SPATA13: variants seen among roughly 807,000 people sequenced by gnomAD.
The protein encoded by SPATA13 is spermatogenesis-associated protein 13.
In SPATA13, 50 loss-of-function variants were observed where a neutral mutation model predicts 104.0. The observed-to-expected ratio is 0.48, with a 90% CI of 0.38 to 0.61. The LOEUF is 0.61. Among genes scored for constraint, SPATA13 ranks in the 20% least tolerant of loss-of-function variants. SPATA13 has a pLI of 0.00. For synonymous variants in SPATA13, 606 were observed against 667.5 expected, an observed-to-expected ratio of 0.91 and a Z score of 1.42; for missense variants, 1,524 against 1,690.6, an observed-to-expected ratio of 0.90 and a Z score of 1.73.
At chr13:24,119,559 A>G (rs774631583) in intron 3 of SPATA13, among the ~76,000 whole-genome samples, 8 of 152,164 alleles carry the variant, frequency 5.3e-5, no homozygotes, top group Non-Finnish European at 8.8e-5. Context: ...ACTGAGGTAA[A>G]CATCTGTGAG....
chr13:24,179,925 T>C (rs1212951212), intron 1 of SPATA13, among the ~76,000 whole-genome samples: 2 of 152,234 alleles, frequency 1.3e-5, no homozygotes, highest in African/African-American at 4.8e-5. Context: ...CTATCAGATA[T>C]GTAATTTACA....
Position 24,280,707 on chromosome 13 carries a change from C to T in SPATA13, c.2165-3428C>T, listed in dbSNP as rs140746466. On this transcript the variant is annotated intron_variant, in intron 4 of 12. Coordinates refer to ENST00000382108, the MANE Select transcript of SPATA13 (RefSeq NM_001166271.3). ...TCTTGGGCCTCGTGGTCTGGGCAGC[C>T]GCTCCAGGGTTAGAGAAGGCCTTTG... Among the ~76,000 whole-genome samples, 502 of 152,140 alleles carry T rather than the reference C, an allele frequency of 3.3e-3. 5 individuals are homozygous for T. Among genetic ancestry groups the T allele is most frequent in the African/African-American group, 0.01 (432 of 41,470 alleles).
intron 3 of SPATA13, among the ~76,000 whole-genome samples, chr13:24,044,300 A>ATG (rs1208396225): frequency 1.4e-5 from 2 of 142,610 alleles, no homozygotes; most frequent in African/African-American, 5.3e-5. Context: ...CAGCGCTATC[A>ATG]TGGCTCACTG....
In SPATA13 at chr13:24,301,383, T is replaced by C. The variant is rs771151740; in HGVS notation, c.3658+908T>C. 1.5e-3 allele frequency among the ~76,000 whole-genome samples: 224 copies of C among 152,330 alleles called. 2 individuals are homozygous for C. Among genetic ancestry groups the C allele is most frequent in the Non-Finnish European group, 1.8e-3 (122 of 68,014 alleles). ...CACTCCCCTGCTTTCTCCATGCAAA[T>C]GCAGAATTTCTTTTCCCCACTAAGT... is the stretch of plus-strand genomic sequence containing the variant. On this transcript the variant is annotated intron_variant, in intron 12 of 12. Coordinates refer to ENST00000382108, the MANE Select transcript of SPATA13 (RefSeq NM_001166271.3).
At chr13:24,165,529 C>A (rs917049888) in intron 1 of SPATA13, among the ~76,000 whole-genome samples, 1 of 152,158 alleles carries the variant, frequency 6.6e-6, no homozygotes, top group African/African-American at 2.4e-5. Context: ...GGTTCCTGGG[C>A]CACCCAGTCT....
intron 2 of SPATA13, among the ~76,000 whole-genome samples, chr13:23,990,076 AC>A (rs1875341271): frequency 6.6e-6 from 1 of 152,166 alleles, no homozygotes; most frequent in African/African-American, 2.4e-5. Flanking sequence ...AACCAGTTCC[AC>A]CTAAACAGTC....
chr13:24,045,510 T>C (rs1331256090), intron 3 of SPATA13, among the ~76,000 whole-genome samples: 1 of 152,176 alleles, frequency 6.6e-6, no homozygotes, highest in Non-Finnish European at 1.5e-5. Context: ...GGTCACATAA[T>C]ACACGTTTTT....
At position 24,161,637 on chromosome 13, in the gene SPATA13, C is replaced by T. The variant is rs574251805; in HGVS notation, c.-112+705C>T. ...GCTCGGGTGACTTGGGCTGGGCCAC[C>T]CATCTGACTGCAAGGTTACAGAGCT... is the stretch of plus-strand genomic sequence containing the variant. On this transcript the variant is annotated intron_variant, in intron 1 of 12. Transcript: ENST00000382108. This position sits in a 1 kb window ranked among gnomAD's most constrained non-coding sequence, Gnocchi z 4.5. Among the ~76,000 whole-genome samples, 63 of 152,274 alleles carry T rather than the reference C, an allele frequency of 4.1e-4. No individual in the cohort carries two copies. Among genetic ancestry groups the T allele is most frequent in the African/African-American group, 1.4e-3 (59 of 41,564 alleles).
At chr13:24,164,980 C>G (rs1882661492) in intron 1 of SPATA13, among the ~76,000 whole-genome samples, 1 of 152,140 alleles carries the variant, frequency 6.6e-6, no homozygotes, top group Non-Finnish European at 1.5e-5. Flanking sequence ...GGCAACACCG[C>G]AGAATGCAAG....
At chr13:23,998,892 T>A (rs1259163443) in intron 2 of SPATA13, among the ~76,000 whole-genome samples, 1 of 151,938 alleles carries the variant, frequency 6.6e-6, no homozygotes, top group African/African-American at 2.4e-5. Flanking sequence ...TATATTTGTG[T>A]TCAGTGATCA....
At chr13:24,111,982 C>T (rs1371206638) in intron 3 of SPATA13, among the ~76,000 whole-genome samples, 1 of 152,192 alleles carries the variant, frequency 6.6e-6, no homozygotes, top group East Asian at 1.9e-4. Context: ...TTCTCTAGAT[C>T]GTTTTGAATT....
At chr13:24,066,016 C>G (rs965425573) in intron 3 of SPATA13, among the ~76,000 whole-genome samples, 1 of 152,156 alleles carries the variant, frequency 6.6e-6, no homozygotes, top group African/African-American at 2.4e-5. Context: ...GATAGCACGC[C>G]TGAAGCATTT....
At chr13:24,197,631 C>T (rs754713677) in intron 1 of SPATA13, among the ~76,000 whole-genome samples, 57 of 152,322 alleles carry the variant, frequency 3.7e-4, no homozygotes, top group Non-Finnish European at 7.3e-4. Flanking sequence ...CTATAACTTA[C>T]CTCTAATTAG....
chr13:24,192,615 A>G (rs551453673), intron 1 of SPATA13, among the ~76,000 whole-genome samples: 1 of 152,266 alleles, frequency 6.6e-6, no homozygotes, highest in South Asian at 2.1e-4. Flanking sequence ...GCACTTGAGT[A>G]TTGAATGAAA....
upstream of SPATA13, among the ~76,000 whole-genome samples, chr13:24,156,222 G>A (rs1323814247): frequency 2.0e-5 from 3 of 152,124 alleles, no homozygotes; most frequent in Non-Finnish European, 4.4e-5. Flanking sequence ...TGGATGATAC[G>A]GTAATTCTAG....
chr13:24,191,501 CTTTTTTTT>C (rs57437676), intron 1 of SPATA13, among the ~76,000 whole-genome samples: 2 of 67,422 alleles, frequency 3.0e-5, no homozygotes, highest in Non-Finnish European at 5.6e-5. Context: ...ACATTGCTTT[CTTTTTTTT>C]TTTTTTTTTT....
intron 3 of SPATA13, among the ~76,000 whole-genome samples, chr13:24,057,652 G>A (rs1313385312): frequency 2.0e-5 from 3 of 152,036 alleles, no homozygotes; most frequent in Admixed American, 6.6e-5. Context: ...ACCTCCAACC[G>A]TCATAAGAAA....
intron 12 of SPATA13, among the ~76,000 whole-genome samples, chr13:24,301,264 T>C (rs1463100034): frequency 6.6e-6 from 1 of 152,212 alleles, no homozygotes; most frequent in East Asian, 1.9e-4. Flanking sequence ...TTTTCCTGAC[T>C]GCAAATGCAA....
intron 3 of SPATA13, among the ~76,000 whole-genome samples, chr13:24,067,846 A>G (rs540374282): frequency 6.6e-6 from 1 of 152,292 alleles, no homozygotes; most frequent in African/African-American, 2.4e-5. Context: ...CTGGGACTAC[A>G]GGTGCCTGCC....
Sources: gnomAD v4.1 joint callset for allele counts (sites outside exome capture counted in the v4.1 genomes callset) on GRCh38, gnomAD v4.1.1 for gene constraint, Gnocchi (gnomAD v3.1) non-coding constraint, MANE v1.5 for transcripts, NCBI Gene and HGNC (gene_info 2026-07-23, HGNC 2026-07-21) for gene names.